Variants in BAZ2B observed in about 807,000 individuals in gnomAD.
BAZ2B encodes bromodomain adjacent to zinc finger domain 2B, also known as bromodomain adjacent to zinc finger domain protein 2B.
In BAZ2B, 91 loss-of-function variants were observed where a neutral mutation model predicts 246.0. The observed-to-expected ratio is 0.37, with a 90% CI of 0.31 to 0.44. The LOEUF is 0.44. Ranked by LOEUF, BAZ2B falls within the 20% of genes least tolerant of loss-of-function variation. BAZ2B has a pLI of 1.00. For synonymous variants in BAZ2B, 855 were observed against 860.0 expected (o/e 0.99, Z 0.10); for missense variants, 2,332 against 2,533.7 (o/e 0.92, Z 1.71).
At chr2:159,546,091 T>C (rs574674367) in intron 2 of BAZ2B, among the ~76,000 whole-genome samples, 1 of 152,252 alleles carries the variant, frequency 6.6e-6, no homozygotes, top group Admixed American at 6.5e-5. Flanking sequence ...CTGCTATTTC[T>C]CCATTATTTT....
At chr2:159,352,706 A>T (rs2058690124) in intron 27 of BAZ2B, among the ~76,000 whole-genome samples, 1 of 152,180 alleles carries the variant, frequency 6.6e-6, no homozygotes. Context: ...GCTAGTCTCA[A>T]ACTTCTGAGC....
intron 2 of BAZ2B, among the ~76,000 whole-genome samples, chr2:159,527,820 A>G (rs747213233): frequency 6.6e-6 from 1 of 152,236 alleles, no homozygotes; most frequent in Non-Finnish European, 1.5e-5. Context: ...CAGTGTTTTG[A>G]TAAGAGTTAT....
chr2:159,351,494 T>A lies in BAZ2B; in HGVS notation c.4214-1137A>T, dbSNP rs2058559627. ...TAAAATAAATTCCTAAAAAAAAAAC[T>A]AAGATGTGTACTTTTCAGAGTTTTT... On this transcript the variant is annotated intron_variant, in intron 27 of 36. Coordinates refer to ENST00000392783, the MANE Select transcript of BAZ2B (RefSeq NM_013450.4). Among the ~76,000 whole-genome samples the A allele has an allele frequency of 3.9e-5, 6 of 152,140 alleles. No individual in the cohort carries two copies. In the South Asian group the frequency reaches 1.2e-3, roughly 32 times the overall value.
chr2:159,680,992 G>A, the BAZ2B span, among the ~76,000 whole-genome samples: 548 of 152,248 alleles, frequency 3.6e-3, 6 homozygotes, highest in African/African-American at 0.012. Flanking sequence ...CTTGGGTAGA[G>A]GTAACCTCAA....
chr2:159,404,799 C>T, intron 16 of BAZ2B, 50 bp downstream of exon 16: 2 of 1,467,728 alleles, frequency 1.4e-6, no homozygotes, highest in South Asian at 2.4e-5. Flanking sequence ...CTAACAAATC[C>T]TCAAAATAAG....
the BAZ2B span, among the ~76,000 whole-genome samples, chr2:159,635,976 A>G: frequency 1.3e-5 from 2 of 152,108 alleles, no homozygotes; most frequent in African/African-American, 2.4e-5. Context: ...AGGATTGCTT[A>G]AGCCTGGGAG....
chr2:159,459,885 G>A (rs551147921), intron 3 of BAZ2B: 43 of 152,006 alleles, frequency 2.8e-4, no homozygotes, highest in African/African-American at 9.9e-4. Context: ...TCTGCTCAGA[G>A]AAAACATTTG....
chr2:159,610,280 A>G (rs1694429336), intron 1 of BAZ2B, among the ~76,000 whole-genome samples: 1 of 152,208 alleles, frequency 6.6e-6, no homozygotes, highest in Non-Finnish European at 1.5e-5. Context: ...ATTTAAAAAC[A>G]TCAATCATAA....
intron 36 of BAZ2B, among the ~76,000 whole-genome samples, chr2:159,321,032 T>C (rs1052766028): frequency 2.0e-5 from 3 of 152,214 alleles, no homozygotes; most frequent in Admixed American, 2.0e-4. Context: ...GGTAACATTA[T>C]GAGGGTCTGT....
chr2:159,362,128 AAAAC>A (rs1331216446), intron 27 of BAZ2B, among the ~76,000 whole-genome samples: 1 of 150,880 alleles, frequency 6.6e-6, no homozygotes, highest in African/African-American at 2.4e-5. Context: ...AACAAAACAA[AAAAC>A]AAACAAATTA....
At chr2:159,359,520 C>A (rs917305038) in intron 27 of BAZ2B, among the ~76,000 whole-genome samples, 2 of 152,124 alleles carry the variant, frequency 1.3e-5, no homozygotes, top group African/African-American at 4.8e-5. Flanking sequence ...CGAATTCTAC[C>A]AGAGGTACAA....
chr2:159,648,914 A>G, the BAZ2B span, among the ~76,000 whole-genome samples: 1 of 152,178 alleles, frequency 6.6e-6, no homozygotes, highest in East Asian at 1.9e-4. Flanking sequence ...CAAAGTGGCT[A>G]TAACATTTTA....
the BAZ2B span, among the ~76,000 whole-genome samples, chr2:159,638,811 A>G: frequency 1.3e-5 from 2 of 152,250 alleles, no homozygotes; most frequent in South Asian, 4.1e-4. Flanking sequence ...GAGGAGGTAG[A>G]GAAAGAGACA....
At chr2:159,621,322 G>A (rs956483507), upstream of BAZ2B, among the ~76,000 whole-genome samples, 6 of 152,138 alleles carry the variant, frequency 3.9e-5, no homozygotes, top group African/African-American at 1.4e-4. Context: ...CACCATGTCT[G>A]GGTGGGGGGT....
chr2:159,412,092 AC>A, intron 14 of BAZ2B: 1 of 460,428 alleles, frequency 2.2e-6, no homozygotes, highest in Non-Finnish European at 2.9e-6. Context: ...AAAGCTTAAC[AC>A]CCACCTTTGT....
At chr2:159,320,465 GT>G in intron 36 of BAZ2B, 47 bp from the exon 37 acceptor site, 7 of 1,467,114 alleles carry the variant, frequency 4.8e-6, no homozygotes, top group Non-Finnish European at 6.4e-6. Context: ...GAGTGGATTT[GT>G]TTTGTAAACA....
chr2:159,600,124 G>A (rs996117721), intron 1 of BAZ2B, among the ~76,000 whole-genome samples: 1 of 152,022 alleles, frequency 6.6e-6, no homozygotes, highest in East Asian at 1.9e-4. Flanking sequence ...AGTTAATTTT[G>A]TAGCTTTAGT....
chr2:159,690,126 CAT>C, the BAZ2B span: 1 of 532,994 alleles, frequency 1.9e-6, no homozygotes, highest in African/African-American at 2.0e-5. Flanking sequence ...ACTTCAAACA[CAT>C]GACTCTTGAG....
At chr2:159,662,687 G>T in the BAZ2B span, among the ~76,000 whole-genome samples, 1 of 151,882 alleles carries the variant, frequency 6.6e-6, no homozygotes, top group African/African-American at 2.4e-5. Context: ...ACCATGCCCG[G>T]CTAATTTTTT....
Sources: gnomAD v4.1 joint callset for allele counts (sites outside exome capture counted in the v4.1 genomes callset) on GRCh38, gnomAD v4.1.1 for gene constraint, MANE v1.5 for transcripts, NCBI Gene and HGNC (gene_info 2026-07-23, HGNC 2026-07-21) for gene names.